PKNOX2: variants seen among roughly 807,000 people sequenced by gnomAD.
The protein encoded by PKNOX2 is homeobox protein PKNOX2.
In PKNOX2, 14 loss-of-function variants were observed where a neutral mutation model predicts 53.1. That is an observed-to-expected ratio of 0.26 (90% CI 0.17 to 0.41). PKNOX2 has a LOEUF of 0.41. PKNOX2 is among the 10% of genes least tolerant of loss of function. The pLI is 1.00. For missense variants in PKNOX2, 496 were observed against 602.8 expected, an observed-to-expected ratio of 0.82 and a Z score of 1.85; for synonymous variants, 257 against 242.8, an observed-to-expected ratio of 1.06 and a Z score of -0.54.
intron 2 of PKNOX2, among the ~76,000 whole-genome samples, chr11:125,265,703 A>C (rs1945277511): frequency 6.6e-6 from 1 of 151,998 alleles, no homozygotes; most frequent in African/African-American, 2.4e-5. Context: ...CCCCCACCCC[A>C]ATGGTCCCCA....
intron 2 of PKNOX2, among the ~76,000 whole-genome samples, chr11:125,253,016 T>C (rs1019112097): frequency 6.6e-6 from 1 of 152,202 alleles, no homozygotes; most frequent in Non-Finnish European, 1.5e-5. Flanking sequence ...CTACCTCTTC[T>C]AAGGGAGTTG....
chr11:125,329,337 A>T (rs545478012), intron 2 of PKNOX2, among the ~76,000 whole-genome samples: 12 of 152,230 alleles, frequency 7.9e-5, no homozygotes, highest in African/African-American at 2.6e-4. Flanking sequence ...CTAACTTAAC[A>T]TTTTTCCTCT....
chr11:125,416,322 A>G (rs1315755815), intron 10 of PKNOX2, among the ~76,000 whole-genome samples: 5 of 151,058 alleles, frequency 3.3e-5, no homozygotes, highest in South Asian at 2.1e-4. Flanking sequence ...AAAAAAAAAA[A>G]AAAAAGAAAG....
chr11:125,280,691 G>A (rs917117965), intron 2 of PKNOX2, among the ~76,000 whole-genome samples: 10 of 152,232 alleles, frequency 6.6e-5, no homozygotes, highest in East Asian at 3.9e-4. Flanking sequence ...GCATGTTACC[G>A]TTCAGTGCTC....
chr11:125,334,093 A>G lies in PKNOX2; in HGVS notation c.-23+2168A>G, dbSNP rs545986426. ...CTGAGGGGTGGCAAGAGCAGGTCAT[A>G]TGCCTTTGAGGTTGGTACAGGACAG... On this transcript the variant is annotated intron_variant, in intron 3 of 12. Transcript: ENST00000298282. Among the ~76,000 whole-genome samples the G allele has an allele frequency of 2.3e-4, 35 of 152,284 alleles. No homozygotes were observed. The South Asian group carries it at 6.8e-3, about 30-fold the overall frequency.
intron 1 of PKNOX2, among the ~76,000 whole-genome samples, chr11:125,225,869 C>CT (rs1565473618): frequency 6.6e-6 from 1 of 152,168 alleles, no homozygotes; most frequent in African/African-American, 2.4e-5. Flanking sequence ...GGCTGTATTT[C>CT]TTTTTTTCTC....
rs57337691 is a variant in PKNOX2, at chr11:125,201,147, A to G, written c.-200-33898A>G. On this transcript the variant is annotated intron_variant, in intron 1 of 12. Transcript: ENST00000298282. ...TTCCATGAACCCTTTCTGACCTGAG[A>G]GCTTAGGCTGGGGCTGAACCCAGAT... is the stretch of plus-strand genomic sequence containing the variant. Among the ~76,000 whole-genome samples, 878 of 152,084 alleles carry G rather than the reference A, an allele frequency of 5.8e-3. 48 individuals are homozygous for G. The East Asian group carries it at 0.13, about 23-fold the overall frequency.
chr11:125,313,285 G>A (rs1419894069), intron 2 of PKNOX2, among the ~76,000 whole-genome samples: 1 of 152,198 alleles, frequency 6.6e-6, no homozygotes, highest in African/African-American at 2.4e-5. Flanking sequence ...GGGAGCTGCT[G>A]GAGTCCCTAA....
chr11:125,366,979 G>C (rs549132731), intron 4 of PKNOX2, among the ~76,000 whole-genome samples: 3 of 152,310 alleles, frequency 2.0e-5, no homozygotes, highest in African/African-American at 4.8e-5. Flanking sequence ...ACCACATGTG[G>C]GGAGAGCTAC....
At chr11:125,315,013 T>C (rs1202327573) in intron 2 of PKNOX2, among the ~76,000 whole-genome samples, 1 of 152,156 alleles carries the variant, frequency 6.6e-6, no homozygotes, top group East Asian at 1.9e-4. Flanking sequence ...CCCTCTGGTC[T>C]TCCCAACCAG....
intron 4 of PKNOX2, among the ~76,000 whole-genome samples, chr11:125,361,182 T>G (rs536401750): frequency 3.6e-4 from 55 of 152,336 alleles, no homozygotes; most frequent in African/African-American, 1.3e-3. Flanking sequence ...TACCAGACAC[T>G]GAGGCTACGA....
chr11:125,293,807 ACACACTCACACACACTCACT>A (rs962573089), intron 2 of PKNOX2, among the ~76,000 whole-genome samples: 1 of 136,642 alleles, frequency 7.3e-6, no homozygotes, highest in Non-Finnish European at 1.5e-5. Flanking sequence ...ACACGCTCAC[ACACACTCACACACACTCACT>A]CACACTCACA....
chr11:125,248,711 A>C (rs1006629717), intron 2 of PKNOX2, among the ~76,000 whole-genome samples: 1 of 148,382 alleles, frequency 6.7e-6, no homozygotes, highest in African/African-American at 2.5e-5. Context: ...TATATAACAC[A>C]TTTATATTAT....
At chr11:125,420,835 T>C (rs746648880) in intron 10 of PKNOX2, among the ~76,000 whole-genome samples, 4 of 152,082 alleles carry the variant, frequency 2.6e-5, no homozygotes, top group Non-Finnish European at 5.9e-5. Flanking sequence ...ATCGTGTCAA[T>C]AGGGCACAAA....
At chr11:125,350,619 C>G (rs984443849) in intron 3 of PKNOX2, among the ~76,000 whole-genome samples, 5 of 152,168 alleles carry the variant, frequency 3.3e-5, no homozygotes, top group African/African-American at 1.2e-4. Flanking sequence ...AGTCACAAGC[C>G]CGAGTCTGGG....
intron 5 of PKNOX2, among the ~76,000 whole-genome samples, chr11:125,377,423 A>G (rs1232442683): frequency 6.6e-6 from 1 of 152,194 alleles, no homozygotes; most frequent in Non-Finnish European, 1.5e-5. Flanking sequence ...CTGGATGCTG[A>G]GGTCGTTGGA....
chr11:125,175,963 T>C (rs1275763716), intron 1 of PKNOX2, among the ~76,000 whole-genome samples: 2 of 152,168 alleles, frequency 1.3e-5, no homozygotes, highest in Admixed American at 1.3e-4. Context: ...TAGTTTAAAA[T>C]AGAGTATACA....
At chr11:125,176,357 C>A (rs953455992) in intron 1 of PKNOX2, among the ~76,000 whole-genome samples, 2 of 152,178 alleles carry the variant, frequency 1.3e-5, no homozygotes, top group African/African-American at 2.4e-5. Context: ...TCAGACCCTG[C>A]GGAGGCGCTA....
intron 2 of PKNOX2, among the ~76,000 whole-genome samples, chr11:125,256,700 C>G (rs1944423347): frequency 6.6e-6 from 1 of 152,196 alleles, no homozygotes; most frequent in African/African-American, 2.4e-5. Flanking sequence ...CTTGGCAGCC[C>G]CCTGAGAGAT....
Sources: gnomAD v4.1 joint callset for allele counts (sites outside exome capture counted in the v4.1 genomes callset) on GRCh38, gnomAD v4.1.1 for gene constraint, MANE v1.5 for transcripts, NCBI Gene and HGNC (gene_info 2026-07-23, HGNC 2026-07-21) for gene names.